Variants in NALF1 observed in about 807,000 individuals in gnomAD.
NALF1 encodes the protein NALCN channel auxiliary factor 1.
Under a neutral mutation model 48.4 loss-of-function variants are expected in NALF1, and 3 were observed. The ratio of observed to expected loss-of-function variants is 0.06; its 90% CI spans 0.03 to 0.16. The LOEUF (loss-of-function observed/expected upper bound fraction) is 0.16, where lower values mean the gene tolerates loss of function less well. NALF1 is among the 10% of genes least tolerant of loss of function. The pLI is 1.00. For synonymous variants in NALF1, 262 were observed against 245.7 expected, an observed-to-expected ratio of 1.07 and a Z score of -0.62; for missense variants, 526 against 571.5, an observed-to-expected ratio of 0.92 and a Z score of 0.81.
intron 1 of NALF1, among the ~76,000 whole-genome samples, chr13:107,808,117 C>T (rs1364867221): frequency 1.3e-5 from 2 of 152,096 alleles, no homozygotes; most frequent in Non-Finnish European, 2.9e-5. Flanking sequence ...AGGGTGGCAT[C>T]AGTCCAAGGT....
intron 1 of NALF1, among the ~76,000 whole-genome samples, chr13:107,259,064 T>C (rs950469086): frequency 6.6e-6 from 1 of 152,126 alleles, no homozygotes; most frequent in Non-Finnish European, 1.5e-5. Context: ...TTCATTACAT[T>C]TCCACGATTA....
intron 1 of NALF1, among the ~76,000 whole-genome samples, chr13:107,592,769 C>T (rs1878633646): frequency 6.6e-6 from 1 of 151,740 alleles, no homozygotes; most frequent in Admixed American, 6.6e-5. Context: ...TTAGAAAAAC[C>T]TTCTTTGCAT....
intron 1 of NALF1, among the ~76,000 whole-genome samples, chr13:107,580,558 C>G (rs1878276065): frequency 6.6e-6 from 1 of 152,078 alleles, no homozygotes; most frequent in African/African-American, 2.4e-5. Context: ...TCTTCATTGT[C>G]CTCTTTACTC....
chr13:107,689,243 G>C (rs1433995673), intron 1 of NALF1, among the ~76,000 whole-genome samples: 1 of 152,288 alleles, frequency 6.6e-6, no homozygotes, highest in African/African-American at 2.4e-5. Context: ...TCCTTCATCT[G>C]TTCGCCCTCT....
At chr13:107,398,107 T>C (rs1883742693) in intron 1 of NALF1, among the ~76,000 whole-genome samples, 1 of 152,150 alleles carries the variant, frequency 6.6e-6, no homozygotes, top group African/African-American at 2.4e-5. Context: ...CATTTTTTTC[T>C]CCACATTTCA....
chr13:107,321,821 A>C (rs996897103), intron 1 of NALF1, among the ~76,000 whole-genome samples: 3 of 152,154 alleles, frequency 2.0e-5, no homozygotes, highest in Non-Finnish European at 4.4e-5. Flanking sequence ...ACACTTTTTC[A>C]ATCACAATTC....
chr13:107,573,698 C>T (rs188232511), intron 1 of NALF1, among the ~76,000 whole-genome samples: 27 of 152,102 alleles, frequency 1.8e-4, no homozygotes, highest in Admixed American at 6.5e-4. Context: ...GGGACCTGGT[C>T]GGAGGTAATT....
chr13:107,726,154 T>A (rs1156278174), intron 1 of NALF1, among the ~76,000 whole-genome samples: 1 of 152,164 alleles, frequency 6.6e-6, no homozygotes, highest in Admixed American at 6.5e-5. Context: ...GACACAAAAA[T>A]TGACAATTTT....
chr13:107,711,088 C>T (rs1875576696), intron 1 of NALF1, among the ~76,000 whole-genome samples: 1 of 152,052 alleles, frequency 6.6e-6, no homozygotes, highest in Non-Finnish European at 1.5e-5. Flanking sequence ...AATGTGATTT[C>T]TCCTTCTGAA....
chr13:107,806,414 T>A (rs1246365388), intron 1 of NALF1, among the ~76,000 whole-genome samples: 1 of 152,112 alleles, frequency 6.6e-6, no homozygotes, highest in Non-Finnish European at 1.5e-5. Context: ...AAATGAACAT[T>A]CAGACACACC....
At chr13:107,351,664 C>A (rs1882877816) in intron 1 of NALF1, among the ~76,000 whole-genome samples, 1 of 152,210 alleles carries the variant, frequency 6.6e-6, no homozygotes, top group South Asian at 2.1e-4. Flanking sequence ...CTTCCCTCAC[C>A]GGATGCACTG....
intron 1 of NALF1, among the ~76,000 whole-genome samples, chr13:107,687,473 A>G (rs1881461282): frequency 7.2e-6 from 1 of 139,422 alleles, no homozygotes; most frequent in Non-Finnish European, 1.6e-5. Flanking sequence ...AGAAAAAAAA[A>G]AAAAGAAAGA....
chr13:107,528,916 A>G (rs1368521043), intron 1 of NALF1, among the ~76,000 whole-genome samples: 2 of 152,190 alleles, frequency 1.3e-5, no homozygotes, highest in East Asian at 3.9e-4. Context: ...TAAACAGAAA[A>G]GGACACAATT....
chr13:107,649,544 T>C (rs925450517), intron 1 of NALF1, among the ~76,000 whole-genome samples: 8 of 152,210 alleles, frequency 5.3e-5, no homozygotes, highest in African/African-American at 1.9e-4. Context: ...AATTATTTCA[T>C]ATAAATTACC....
At position 107,713,101 on chromosome 13, in the gene NALF1, C is replaced by G. The variant is rs16970970; in HGVS notation, c.915+152581G>C. On this transcript the variant is annotated intron_variant, in intron 1 of 2. Transcript: ENST00000375915. ...GACCCACATCCACAGGTCAGAACCA[C>G]GTCCACACATCAGGGGCTACGGCAA... 7.6e-4 allele frequency among the ~76,000 whole-genome samples: 116 copies of G among 152,328 alleles called. 1 individual carries two copies. In the East Asian group the frequency reaches 0.018, roughly 24 times the overall value.
At chr13:107,576,848 A>G (rs1232095276) in intron 1 of NALF1, among the ~76,000 whole-genome samples, 1 of 152,174 alleles carries the variant, frequency 6.6e-6, no homozygotes, top group African/African-American at 2.4e-5. Context: ...TCAGTGTAGG[A>G]TTGACTTACC....
At chr13:107,507,526 C>CT (rs201415523) in intron 1 of NALF1, among the ~76,000 whole-genome samples, 4,565 of 140,592 alleles carry the variant, frequency 0.032, 220 homozygotes, top group African/African-American at 0.11. Flanking sequence ...ATATCACATC[C>CT]TTTTTTTTTG....
intron 1 of NALF1, among the ~76,000 whole-genome samples, chr13:107,560,387 A>T (rs1049135168): frequency 6.6e-5 from 10 of 152,100 alleles, no homozygotes; most frequent in Non-Finnish European, 1.2e-4. Flanking sequence ...TTGTCTGATG[A>T]TTTCTTCCAA....
chr13:107,741,274 A>G (rs993252399), intron 1 of NALF1, among the ~76,000 whole-genome samples: 2 of 152,238 alleles, frequency 1.3e-5, no homozygotes, highest in Non-Finnish European at 2.9e-5. Context: ...CCCAAATAGC[A>G]ATGTAGCAAA....
Sources: allele counts gnomAD v4.1 joint callset (sites outside exome capture counted in the v4.1 genomes callset), GRCh38; gene constraint gnomAD v4.1.1; transcripts MANE v1.5; gene names NCBI Gene and HGNC (gene_info 2026-07-23, HGNC 2026-07-21).